RMDN2: variants seen among roughly 807,000 people sequenced by gnomAD.
RMDN2 encodes the protein regulator of microtubule dynamics protein 2.
In RMDN2, 61 loss-of-function variants were observed where a neutral mutation model predicts 52.8. The ratio of observed to expected loss-of-function variants is 1.16; its 90% confidence interval spans 0.94 to 1.43. The LOEUF (loss-of-function observed/expected upper bound fraction) is 1.43. Ranked by LOEUF, RMDN2 falls within the 40% of genes most tolerant of loss-of-function variation. The pLI, the probability that RMDN2 is intolerant of heterozygous loss-of-function variation, is 0.00. For synonymous variants in RMDN2, 180 were observed against 153.1 expected (o/e 1.18, Z -1.30); for missense variants, 592 against 475.3 (o/e 1.25, Z -2.28).
At chr2:37,975,162 A>G (rs748488749) in intron 3 of RMDN2, 50 bp from the exon 4 acceptor site, 2 of 1,078,222 alleles carry the variant, frequency 1.9e-6, no homozygotes, top group Admixed American at 3.5e-5. Flanking sequence ...AGAATAGAAT[A>G]GACAAGTTAC....
At chr2:38,014,870 G>C (rs1678528711) in intron 10 of RMDN2, among the ~76,000 whole-genome samples, 1 of 152,168 alleles carries the variant, frequency 6.6e-6, no homozygotes, top group Non-Finnish European at 1.5e-5. Context: ...CACTGAAAAA[G>C]TCATAGCAAT....
chr2:38,037,137 G>A (rs796157028), intron 10 of RMDN2, among the ~76,000 whole-genome samples: 3 of 152,118 alleles, frequency 2.0e-5, no homozygotes, highest in African/African-American at 7.2e-5. Flanking sequence ...GATGAACTTG[G>A]GTAAGTGACC....
chr2:37,938,771 A>G (rs1331494559), intron 2 of RMDN2, among the ~76,000 whole-genome samples: 5 of 151,972 alleles, frequency 3.3e-5, no homozygotes, highest in African/African-American at 9.7e-5. Flanking sequence ...TTTAGTGTCT[A>G]TTTGAGTCTT....
intron 2 of RMDN2, among the ~76,000 whole-genome samples, chr2:37,970,927 A>C (rs1027122512): frequency 1.1e-4 from 17 of 152,068 alleles, no homozygotes; most frequent in African/African-American, 4.1e-4. Context: ...CGAATTGTTA[A>C]GAGTTTTATA....
upstream of RMDN2, among the ~76,000 whole-genome samples, chr2:37,921,382 A>C (rs1479779880): frequency 2.0e-5 from 3 of 152,208 alleles, no homozygotes; most frequent in Non-Finnish European, 4.4e-5. Context: ...AATTTTTTTA[A>C]AACTACATCA....
At chr2:38,032,258 C>A (rs1680262741) in intron 10 of RMDN2, among the ~76,000 whole-genome samples, 1 of 152,188 alleles carries the variant, frequency 6.6e-6, no homozygotes, top group African/African-American at 2.4e-5. Context: ...CACTCTCCCA[C>A]CTACCTGTAC....
rs918000982 is a variant in RMDN2 at position 37,977,603 on chromosome 2, G to A, written c.730+2289G>A. ...GGGCGGAGGGGCTCCTCACTTCTCAGACCGGGCGGCCGCTCAGAGACCTCC... is the reference window on the plus strand; with the variant it reads ...GGGCGGAGGGGCTCCTCACTTCTCAAACCGGGCGGCCGCTCAGAGACCTCC... On this transcript the variant is annotated intron_variant, in intron 4 of 10. Coordinates refer to ENST00000354545, the MANE Select transcript of RMDN2 (RefSeq NM_001170791.3). 3.3e-5 allele frequency among the ~76,000 whole-genome samples: 5 copies of A among 151,998 alleles called. No individual in the cohort carries two copies. In the East Asian group the frequency reaches 9.7e-4, roughly 30 times the overall value.
At chr2:37,969,869 C>CT (rs901844164) in intron 2 of RMDN2, among the ~76,000 whole-genome samples, 5 of 151,366 alleles carry the variant, frequency 3.3e-5, no homozygotes, top group African/African-American at 9.7e-5. Context: ...TTTTTTCTTT[C>CT]TTTTTTTTCT....
chr2:37,952,071 T>C, intron 2 of RMDN2: 1 of 1,613,302 alleles, frequency 6.2e-7, no homozygotes, highest in Non-Finnish European at 8.5e-7. Flanking sequence ...ATTTTCTTCA[T>C]CTTATAAAAA....
intron 10 of RMDN2, among the ~76,000 whole-genome samples, chr2:38,047,268 G>T (rs1190869984): frequency 6.6e-6 from 1 of 152,104 alleles, no homozygotes; most frequent in African/African-American, 2.4e-5. Flanking sequence ...AGGTAAATAC[G>T]TAAGTAAAAA....
In RMDN2 at chr2:37,991,223, C is replaced by G. The variant is rs940436024; in HGVS notation, c.871C>G (p.His291Asp). 6.4e-7 allele frequency: 1 copy of G among 1,574,276 alleles called. No individual in the cohort carries two copies. The highest frequency in any genetic ancestry group is 8.7e-7 in the Non-Finnish European group (1 of 1,154,514). The change falls in exon 7 of 11, where the codon CAT becomes GAT. Residue 291 changes from histidine to aspartate, a missense_variant. By Grantham distance (81) the His-to-Asp change is moderately conservative. Coordinates refer to ENST00000354545, the MANE Select transcript of RMDN2 (RefSeq NM_001170791.3). ...KINYGHLFKE[H>D]LDIAIKLLPE... ...TTCCTTTGGATGCTTTTTTCAGGAA[C>G]ATCTAGATATAGCAATCAAACTTTT...
chr2:38,011,538 G>C (rs1341132294), intron 10 of RMDN2, among the ~76,000 whole-genome samples: 1 of 152,096 alleles, frequency 6.6e-6, no homozygotes, highest in Non-Finnish European at 1.5e-5. Context: ...TATTTATTGT[G>C]ATCTGAACTA....
chr2:37,964,508 A>T (rs1670773150), intron 2 of RMDN2, among the ~76,000 whole-genome samples: 1 of 152,112 alleles, frequency 6.6e-6, no homozygotes, highest in African/African-American at 2.4e-5. Context: ...TCTTCTGCTG[A>T]TTTCTAGTTT....
chr2:37,969,688 G>T (rs1234721928), intron 2 of RMDN2, among the ~76,000 whole-genome samples: 1 of 151,898 alleles, frequency 6.6e-6, no homozygotes, highest in African/African-American at 2.4e-5. Context: ...GTGCCAAAAA[G>T]ACTTCCAGTA....
At chr2:37,932,868 A>AC (rs535908169) in intron 2 of RMDN2, among the ~76,000 whole-genome samples, 36,666 of 111,506 alleles carry the variant, frequency 0.33, 6,403 homozygotes, top group East Asian at 0.65. Flanking sequence ...CGGGAGGCTG[A>AC]CCCCCCCACC....
At chr2:37,938,033 A>G (rs1046622282) in intron 2 of RMDN2, among the ~76,000 whole-genome samples, 3 of 152,170 alleles carry the variant, frequency 2.0e-5, no homozygotes, top group African/African-American at 7.2e-5. Flanking sequence ...GTTTTGTCAT[A>G]AATAGCTTTT....
Position 37,991,132 on chromosome 2 carries a change from C to A in RMDN2, c.868-88C>A, listed in dbSNP as rs975665870. 5 of 580,082 alleles carry A rather than the reference C, an allele frequency of 8.6e-6. 1 individual carries two copies. The highest frequency in any genetic ancestry group is 1.5e-5 in the Non-Finnish European group (5 of 336,700). The allele number at this position is 580,082 out of a possible 1,614,324, so 35.9% of individuals were successfully genotyped here. On this transcript the variant is annotated intron_variant, in intron 6 of 10. Coordinates refer to ENST00000354545, the MANE Select transcript of RMDN2 (RefSeq NM_001170791.3). Reference sequence around the variant, plus strand: ...GGAGAACTGAGACAATATTTTAAAACCACTTTTGAGTTACTAGGCTTTGGT... The same window carrying A: ...GGAGAACTGAGACAATATTTTAAAAACACTTTTGAGTTACTAGGCTTTGGT...
intron 10 of RMDN2, among the ~76,000 whole-genome samples, chr2:38,007,714 G>C (rs1356735079): frequency 1.3e-5 from 2 of 152,022 alleles, no homozygotes; most frequent in African/African-American, 4.8e-5. Flanking sequence ...CTTCAGTTCT[G>C]CTCTGATCTT....
At chr2:37,953,759 G>T (rs1052448042) in intron 2 of RMDN2, among the ~76,000 whole-genome samples, 3 of 151,898 alleles carry the variant, frequency 2.0e-5, no homozygotes, top group Non-Finnish European at 4.4e-5. Flanking sequence ...ATTTTTTGAG[G>T]AACTACCATA....
Sources: allele counts gnomAD v4.1 joint callset (sites outside exome capture counted in the v4.1 genomes callset), GRCh38; gene constraint gnomAD v4.1.1; transcripts MANE v1.5; gene names NCBI Gene and HGNC (gene_info 2026-07-23, HGNC 2026-07-21).